SLC71A2: variants seen among roughly 807,000 people sequenced by gnomAD.
SLC71A2 encodes hippocampus abundant transcript-like 1.
At chr9:94,397,485 TGGAAAAAAAAAAA>T in the SLC71A2 span, among the ~76,000 whole-genome samples, 3 of 61,446 alleles carry the variant, frequency 4.9e-5, no homozygotes, top group African/African-American at 5.0e-5. Flanking sequence ...GGAGAGTGTT[TGGAAAAAAAAAAA>T]GGAAAAAAAA....
the SLC71A2 span, among the ~76,000 whole-genome samples, chr9:94,430,300 G>T: frequency 6.7e-6 from 1 of 150,062 alleles, no homozygotes; most frequent in East Asian, 2.0e-4. Context: ...TCAGCCTACT[G>T]CAACCTCCAC....
the SLC71A2 span, among the ~76,000 whole-genome samples, chr9:94,389,358 T>C: frequency 1.2e-4 from 18 of 151,700 alleles, no homozygotes; most frequent in East Asian, 5.8e-4. Flanking sequence ...CTCCGCCTCC[T>C]GTGTTCAAGT....
chr9:94,446,864 C>A, the SLC71A2 span: 1 of 1,612,488 alleles, frequency 6.2e-7, no homozygotes, highest in Non-Finnish European at 8.5e-7. Context: ...TCTTACTAAT[C>A]TGCATCACCG....
chr9:94,436,264 A>G, the SLC71A2 span, among the ~76,000 whole-genome samples: 2 of 152,348 alleles, frequency 1.3e-5, no homozygotes, highest in Admixed American at 6.5e-5. Context: ...TGCATGGACA[A>G]TGGGCAAATG....
the SLC71A2 span, among the ~76,000 whole-genome samples, chr9:94,403,227 G>A: frequency 1.6e-4 from 24 of 152,008 alleles, no homozygotes; most frequent in Admixed American, 1.4e-3. Context: ...ACCTCCGCCT[G>A]CCGGGTTCAA....
At chr9:94,399,806 C>G in the SLC71A2 span, among the ~76,000 whole-genome samples, 1 of 116,782 alleles carries the variant, frequency 8.6e-6, no homozygotes, top group Non-Finnish European at 1.7e-5. Flanking sequence ...GGGGAAAAAG[C>G]CTTTTTTTTT....
At chr9:94,428,085 T>C in the SLC71A2 span, among the ~76,000 whole-genome samples, 5 of 151,372 alleles carry the variant, frequency 3.3e-5, no homozygotes, top group South Asian at 8.4e-4. Flanking sequence ...ATTGTACCAC[T>C]GCACTCCAGC....
the SLC71A2 span, among the ~76,000 whole-genome samples, chr9:94,403,650 CA>C: frequency 6.6e-6 from 1 of 151,784 alleles, no homozygotes; most frequent in African/African-American, 2.4e-5. Flanking sequence ...AAAATCTGTT[CA>C]AGTCCCTGCT....
chr9:94,421,752 TTATG>T, the SLC71A2 span, among the ~76,000 whole-genome samples: 4 of 152,124 alleles, frequency 2.6e-5, no homozygotes, highest in African/African-American at 9.7e-5. Flanking sequence ...ACAGCATTAT[TTATG>T]GTGAACACCT....
the SLC71A2 span, among the ~76,000 whole-genome samples, chr9:94,402,499 CTG>C: frequency 6.6e-6 from 1 of 152,266 alleles, no homozygotes; most frequent in African/African-American, 2.4e-5. Flanking sequence ...TTTCCATTAA[CTG>C]TCACTCTCCA....
the SLC71A2 span, among the ~76,000 whole-genome samples, chr9:94,399,532 A>G: frequency 6.6e-6 from 1 of 152,226 alleles, no homozygotes; most frequent in Admixed American, 6.5e-5. Flanking sequence ...ATCCATGATT[A>G]CATGGATCAT....
the SLC71A2 span, among the ~76,000 whole-genome samples, chr9:94,439,571 A>G: frequency 6.6e-6 from 1 of 150,786 alleles, no homozygotes; most frequent in African/African-American, 2.4e-5. Context: ...TCGTGTGAAA[A>G]TATTTTCATT....
chr9:94,384,235 T>A, the SLC71A2 span, among the ~76,000 whole-genome samples: 1 of 152,222 alleles, frequency 6.6e-6, no homozygotes, highest in Non-Finnish European at 1.5e-5. Flanking sequence ...CTCATATATA[T>A]GGAATCATAC....
chr9:94,454,043 C>T, the SLC71A2 span: 2 of 1,613,574 alleles, frequency 1.2e-6, no homozygotes, highest in South Asian at 1.1e-5. Context: ...CTCCAGTTAG[C>T]CTGGTACGGT....
the SLC71A2 span, among the ~76,000 whole-genome samples, chr9:94,434,030 G>T: frequency 2.0e-5 from 3 of 151,862 alleles, no homozygotes; most frequent in African/African-American, 7.3e-5. Flanking sequence ...CAACTTTTCA[G>T]TCTCACTCTG....
the SLC71A2 span, among the ~76,000 whole-genome samples, chr9:94,448,534 T>C: frequency 1.3e-5 from 2 of 152,242 alleles, no homozygotes; most frequent in Non-Finnish European, 2.9e-5. Context: ...CCTCTTTTTC[T>C]GGTTGTATTT....
the SLC71A2 span, among the ~76,000 whole-genome samples, chr9:94,388,750 T>G: frequency 6.6e-6 from 1 of 152,116 alleles, no homozygotes; most frequent in African/African-American, 2.4e-5. Context: ...TTTTGTTGAT[T>G]TTAATATAAT....
the SLC71A2 span, among the ~76,000 whole-genome samples, chr9:94,455,493 TCATGAGC>T: frequency 6.6e-6 from 1 of 150,826 alleles, no homozygotes; most frequent in African/African-American, 2.4e-5. Flanking sequence ...AGGATTACAG[TCATGAGC>T]CACTGTCCCT....
the SLC71A2 span, among the ~76,000 whole-genome samples, chr9:94,392,538 G>T: frequency 2.6e-5 from 4 of 151,088 alleles, no homozygotes; most frequent in Non-Finnish European, 4.4e-5. Context: ...GTCTCACTCT[G>T]TTGCCAGGCT....
Sources: allele counts gnomAD v4.1 joint callset (sites outside exome capture counted in the v4.1 genomes callset), GRCh38; gene constraint gnomAD v4.1.1; transcripts MANE v1.5; gene names NCBI Gene and HGNC (gene_info 2026-07-23, HGNC 2026-07-21).